Variants in DDX17 observed in about 807,000 individuals in gnomAD.
DDX17 encodes probable ATP-dependent RNA helicase DDX17.
In DDX17, 10 loss-of-function variants were observed where a neutral mutation model predicts 80.8. The ratio of observed to expected loss-of-function variants is 0.12; its 90% confidence interval spans 0.08 to 0.21. DDX17 has a LOEUF of 0.21. DDX17 is among the 10% of genes least tolerant of loss of function. The pLI, the probability that DDX17 is intolerant of heterozygous loss-of-function variation, is 1.00. For synonymous variants in DDX17, 339 were observed against 336.2 expected, an observed-to-expected ratio of 1.01 and a Z score of -0.09; for missense variants, 586 against 957.4, an observed-to-expected ratio of 0.61 and a Z score of 5.12.
chr22:38,500,833 A>G (rs1409461499), intron 2 of DDX17, among the ~76,000 whole-genome samples: 1 of 142,684 alleles, frequency 7.0e-6, no homozygotes, highest in Non-Finnish European at 1.5e-5. Context: ...AAAAAAAAAA[A>G]AAAAAAAAAA....
rs2089739750 is a variant in DDX17 at position 38,494,243 on chromosome 22, T to A, written c.1215-112A>T. 1.7e-5 allele frequency: 12 copies of A among 725,944 alleles called. No individual in the cohort carries two copies. In the East Asian group the frequency reaches 1.9e-4, roughly 11 times the overall value. The allele number at this position is 725,944 out of a possible 1,614,324, so 45.0% of individuals were successfully genotyped here. On this transcript the variant is annotated intron_variant, in intron 8 of 12. Coordinates refer to ENST00000403230, the MANE Select transcript of DDX17 (RefSeq NM_006386.5). ...GTACTTTCTTTGCACATTACGCTTT[T>A]AAAATTTTTAATAACTATTAGAGTA...
chr22:38,498,004 G>A, intron 5 of DDX17, 81 bp downstream of exon 5: 1 of 1,344,656 alleles, frequency 7.4e-7, no homozygotes, highest in Non-Finnish European at 1.1e-6. Context: ...GAGTACAAAT[G>A]GATAATGTAA....
chr22:38,486,004 T>C lies in DDX17; in HGVS notation c.2121A>G (p.Ile707Met), dbSNP rs760868785. ...GGTAGGCAGTCTGCCCCATGTAACC[T>C]ATCATATTGGTAGCTCCCGGAGGCT... The change falls in exon 13 of 13, where the codon ATA (isoleucine) becomes ATG (methionine). Residue 707 changes from isoleucine (I) to methionine (M), a missense_variant. Ile to Met is a conservative substitution (Grantham distance 10, BLOSUM62 1). Around this residue, in one of 4 missense-constraint regions of DDX17, gnomAD observed 221 missense variants for 261.4 expected, o/e 0.85. Transcript: ENST00000403230. 2 of 1,613,930 alleles carry C rather than the reference T, an allele frequency of 1.2e-6. No homozygotes were observed. The highest frequency in any genetic ancestry group is 2.2e-5 in the East Asian group (1 of 44,852).
Position 38,489,550 on chromosome 22 carries a change from T to G in DDX17, c.1448-1435A>C. 3.0e-6 allele frequency: 3 copies of G among 984,582 alleles called. No individual in the cohort carries two copies. Among genetic ancestry groups the G allele is most frequent in the Non-Finnish European group, 3.6e-6 (3 of 829,402 alleles). 61.0% of individuals were successfully genotyped at this position (984,582 alleles called of 1,614,324 possible). A position where few individuals can be genotyped will look rare whatever the true frequency, so the allele number is the denominator to read the frequency against. ...AAAAAATAATTAATAAAAAAAAATG[T>G]AAGTTACATCCAAAGGGTCAGACTG... On this transcript the variant is annotated intron_variant, in intron 11 of 12. Transcript: ENST00000403230. The surrounding 1 kb of genome is among the most constrained non-coding windows in gnomAD (Gnocchi z 4.6).
chr22:38,495,390 C>T (rs2089751512), intron 6 of DDX17, among the ~76,000 whole-genome samples: 1 of 152,052 alleles, frequency 6.6e-6, no homozygotes, highest in African/African-American at 2.4e-5. Flanking sequence ...GGACTGCAGG[C>T]ACCTGCCACC....
rs562193822 is a variant in DDX17, at chr22:38,489,994, T to G, written c.1448-1879A>C. 7.7e-4 allele frequency: 782 copies of G among 1,016,708 alleles called. 20 individuals carry two copies. In the South Asian group the frequency reaches 0.027, roughly 35 times the overall value. 63.0% of individuals were successfully genotyped at this position (1,016,708 alleles called of 1,614,324 possible). On this transcript the variant is annotated intron_variant, in intron 11 of 12. Coordinates refer to ENST00000403230, the MANE Select transcript of DDX17 (RefSeq NM_006386.5). The surrounding 1 kb of genome is among the most constrained non-coding windows in gnomAD (Gnocchi z 4.6). ...GCTTTCCTAGCAGAAAGCACCAGGG[T>G]GGAGTCAACAGTTCACATGCTAATA... is the stretch of plus-strand genomic sequence containing the variant.
intron 10 of DDX17, 119 bp from the exon 11 acceptor site, chr22:38,492,234 T>C (rs913716533): frequency 1.8e-4 from 129 of 716,750 alleles, no homozygotes; most frequent in Non-Finnish European, 2.7e-4. Flanking sequence ...TTGTAATGAC[T>C]GACAGTGATT....
intron 11 of DDX17, chr22:38,488,844 T>C: frequency 1.0e-6 from 1 of 985,404 alleles, no homozygotes. Flanking sequence ...AATGAGGATA[T>C]TTTTGCTCAA....
chr22:38,501,423 AGGTAT>A, intron 1 of DDX17, 143 bp from the exon 2 acceptor site: 7 of 1,050,200 alleles, frequency 6.7e-6, no homozygotes, highest in Non-Finnish European at 9.2e-6. Context: ...TGTGATTTAA[AGGTAT>A]GGAGAAATGT....
At chr22:38,505,492 C>G (rs1489281107) in intron 1 of DDX17, 1 of 160,694 alleles carries the variant, frequency 6.2e-6, no homozygotes, top group Non-Finnish European at 1.4e-5. Flanking sequence ...GAGAGAACGT[C>G]AAGGGTGCCA....
At chr22:38,498,860 AC>A (rs1301174809) in intron 3 of DDX17, among the ~76,000 whole-genome samples, 2 of 152,192 alleles carry the variant, frequency 1.3e-5, no homozygotes, top group Admixed American at 1.3e-4. Context: ...TACTAAAAAT[AC>A]AAAAATTAGC....
intron 5 of DDX17, among the ~76,000 whole-genome samples, chr22:38,496,270 G>A (rs1286024544): frequency 6.6e-6 from 1 of 152,134 alleles, no homozygotes; most frequent in Non-Finnish European, 1.5e-5. Flanking sequence ...TCATTTACAG[G>A]TTGAGCATCC....
chr22:38,498,201 C>T, intron 4 of DDX17, 51 bp from the exon 5 acceptor site: 3 of 1,576,948 alleles, frequency 1.9e-6, no homozygotes, highest in Non-Finnish European at 8.7e-7. Flanking sequence ...TACAATCTTA[C>T]TTAGATACTT....
chr22:38,487,666 A>T (rs909340864), intron 12 of DDX17, among the ~76,000 whole-genome samples: 1 of 152,220 alleles, frequency 6.6e-6, no homozygotes, highest in African/African-American at 2.4e-5. Flanking sequence ...TCTCTAAGAA[A>T]AAAAAATTCA....
intron 5 of DDX17, among the ~76,000 whole-genome samples, chr22:38,497,634 A>AAAAAAAAG (rs753086333): frequency 1.5e-4 from 22 of 149,878 alleles, no homozygotes; most frequent in Admixed American, 1.1e-3. Context: ...AAAAAAAAAA[A>AAAAAAAAG]AAAGAAAGAA....
In DDX17 at chr22:38,485,360, T is replaced by G. The variant is rs958301528; in HGVS notation, c.*575A>C. 1.3e-5 allele frequency: 2 copies of G among 152,172 alleles called. No individual in the cohort carries two copies. The highest frequency in any genetic ancestry group is 4.8e-5 in the African/African-American group (2 of 41,434). The allele number at this position is 152,172 out of a possible 1,614,324, so 9.4% of individuals were successfully genotyped here. ...CAATTAGTAATTTTTAACTATCAAA[T>G]GCACTCCAGCAATCAGTCAAAACAG... On this transcript the variant is annotated 3_prime_UTR_variant, in exon 13 of 13. Coordinates refer to ENST00000403230, the MANE Select transcript of DDX17 (RefSeq NM_006386.5).
chr22:38,490,082 C>T (rs1217219078), intron 11 of DDX17: 2 of 1,086,570 alleles, frequency 1.8e-6, no homozygotes, highest in East Asian at 7.6e-5. Context: ...GTTCTTCATA[C>T]TAGAAAGGTG....
In DDX17 at chr22:38,501,279, A is replaced by C; in HGVS notation, c.289T>G (p.Phe97Val). Residue 97 changes from phenylalanine (F) to valine (V), a missense_variant and splice_region_variant, in exon 2 of 13, where the codon TTT (phenylalanine) becomes GTT (valine). Transcript: ENST00000403230. ...AGGCCACCACCACCTCTTGCTCCAA[A>C]TCTAGGAACAGAATTTTTAGTTAGT... 6.2e-7 allele frequency: 1 copy of C among 1,603,810 alleles called. No homozygotes were observed. Among genetic ancestry groups the C allele is most frequent in the Non-Finnish European group, 8.5e-7 (1 of 1,176,286 alleles).
intron 6 of DDX17, 22 bp from the exon 7 acceptor site, chr22:38,495,068 C>T (rs755566099): frequency 3.1e-6 from 5 of 1,602,614 alleles, no homozygotes; most frequent in East Asian, 2.2e-5. Flanking sequence ...AACCAATGAT[C>T]GAGCCAATCG....
Sources: gnomAD v4.1 joint callset for allele counts (sites outside exome capture counted in the v4.1 genomes callset) on GRCh38, gnomAD v4.1.1 for gene constraint, gnomAD v4.1.1 regional missense constraint, Gnocchi (gnomAD v3.1) non-coding constraint, MANE v1.5 for transcripts, NCBI Gene and HGNC (gene_info 2026-07-23, HGNC 2026-07-21) for gene names.